Variants in IGLL5 observed in about 807,000 individuals in gnomAD.
IGLL5 encodes immunoglobulin lambda-like polypeptide 5.
IGLL5 carries 30 observed loss-of-function variants against 20.9 expected under a neutral mutation model. The ratio of observed to expected loss-of-function variants is 1.44; its 90% CI spans 1.07 to 1.95. IGLL5 has a LOEUF of 1.95. Ranked by LOEUF, IGLL5 falls within the 30% of genes most tolerant of loss-of-function variation. The pLI, the probability that IGLL5 is intolerant of heterozygous loss-of-function variation, is 0.00. For missense variants in IGLL5, 475 were observed against 270.7 expected, an observed-to-expected ratio of 1.75 and a Z score of -5.30; for synonymous variants, 203 against 117.3, an observed-to-expected ratio of 1.73 and a Z score of -4.72.
intron 1 of IGLL5, among the ~76,000 whole-genome samples, chr22:22,889,037 C>G (rs2067678498): frequency 3.3e-5 from 5 of 151,336 alleles, no homozygotes; most frequent in South Asian, 4.2e-4. Context: ...GGTCCGTGCA[C>G]CATTCCCAGT....
At chr22:22,889,283 C>A (rs2067703845) in intron 1 of IGLL5, among the ~76,000 whole-genome samples, 1 of 150,916 alleles carries the variant, frequency 6.6e-6, no homozygotes. Flanking sequence ...GAAATGGGAG[C>A]ATGAAGTTGA....
At chr22:22,888,928 G>A (rs1426626853) in intron 1 of IGLL5, among the ~76,000 whole-genome samples, 1 of 151,326 alleles carries the variant, frequency 6.6e-6, no homozygotes, top group Non-Finnish European at 1.5e-5. Flanking sequence ...GCTGGTGATG[G>A]GTGCCCCCAA....
intron 1 of IGLL5, among the ~76,000 whole-genome samples, chr22:22,890,207 G>A (rs2067784391): frequency 2.0e-5 from 3 of 148,278 alleles, no homozygotes; most frequent in South Asian, 2.2e-4. Flanking sequence ...TAAAGTAAAA[G>A]CAAGTGCTTC....
intron 1 of IGLL5, among the ~76,000 whole-genome samples, chr22:22,889,537 A>C (rs530133620): frequency 6.6e-6 from 1 of 151,308 alleles, no homozygotes; most frequent in African/African-American, 2.4e-5. Flanking sequence ...ACTGGAAAAA[A>C]TCCAAATATC....
chr22:22,895,765 T>G lies in IGLL5; in HGVS notation c.*71T>G, dbSNP rs896891944. ...CCCAGGGGAGGGGTCTCTCTCCCCATCCCAAGTCATCCAGCCCTTCTCCCT... is the reference window on the plus strand; with the variant it reads ...CCCAGGGGAGGGGTCTCTCTCCCCAGCCCAAGTCATCCAGCCCTTCTCCCT... On this transcript the variant is annotated 3_prime_UTR_variant, in exon 3 of 3. Coordinates refer to ENST00000526893, the MANE Select transcript of IGLL5 (RefSeq NM_001178126.2). 3.0e-6 allele frequency: 4 copies of G among 1,355,526 alleles called. No individual in the cohort carries two copies. The African/African-American group carries it at 5.7e-5, about 19-fold the overall frequency. 84.0% of individuals were successfully genotyped at this position (1,355,526 alleles called of 1,614,324 possible). A position where few individuals can be genotyped will look rare whatever the true frequency, so the allele number is the denominator to read the frequency against.
At chr22:22,892,842 T>G (rs1367720331) in intron 1 of IGLL5, among the ~76,000 whole-genome samples, 1 of 150,838 alleles carries the variant, frequency 6.6e-6, no homozygotes, top group Non-Finnish European at 1.5e-5. Context: ...GAGTCAGCAG[T>G]TGGGCATGGG....
chr22:22,894,181 G>A (rs181959291), intron 2 of IGLL5, among the ~76,000 whole-genome samples: 24 of 151,362 alleles, frequency 1.6e-4, no homozygotes, highest in East Asian at 6.1e-4. Flanking sequence ...GACAGAGGCT[G>A]CTGGGGTGGG....
At chr22:22,888,523 C>A (rs2067609959) in intron 1 of IGLL5, among the ~76,000 whole-genome samples, 1 of 151,338 alleles carries the variant, frequency 6.6e-6, no homozygotes, top group Admixed American at 6.6e-5. Flanking sequence ...GTCAGTGCCT[C>A]AATCACCTAG....
intron 2 of IGLL5, 40 bp downstream of exon 2, chr22:22,893,858 T>A (rs780444280): frequency 3.0e-6 from 4 of 1,336,282 alleles, no homozygotes; most frequent in East Asian, 2.3e-5. Context: ...TCTCACCCTC[T>A]GCTGTCCCTG....
chr22:22,889,445 G>A (rs2145995947), intron 1 of IGLL5, among the ~76,000 whole-genome samples: 2 of 151,302 alleles, frequency 1.3e-5, no homozygotes, highest in East Asian at 2.0e-4. Flanking sequence ...TATCCTAAGG[G>A]TTGGTTGGGG....
chr22:22,894,476 A>G (rs527669441), intron 2 of IGLL5, among the ~76,000 whole-genome samples: 2 of 151,432 alleles, frequency 1.3e-5, no homozygotes, highest in East Asian at 4.0e-4. Flanking sequence ...GAAAGGAGAC[A>G]GTCTCTTAGG....
rs1358260354 is a variant in IGLL5 at position 22,895,645 on chromosome 22, A to G, written c.596A>G (p.His199Arg). ...SHRSYSCQVT[H>R]EGSTVEKTVA... ...AGAAGCTACAGCTGCCAGGTCACGC[A>G]TGAAGGGAGCACCGTGGAGAAGACA... The change falls in exon 3 of 3, where the codon CAT becomes CGT. Residue 199 changes from histidine (H) to arginine (R), a missense_variant. Physicochemically the swap from His to Arg is conservative, Grantham distance 29. Transcript: ENST00000526893. 5 of 1,613,228 alleles carry G rather than the reference A, an allele frequency of 3.1e-6. No homozygotes were observed. The highest frequency in any genetic ancestry group is 3.3e-5 in the Admixed American group (2 of 59,894).
intron 2 of IGLL5, 31 bp from the exon 3 acceptor site, chr22:22,895,344 C>T (rs1327805839): frequency 1.3e-6 from 2 of 1,584,144 alleles, no homozygotes; most frequent in Non-Finnish European, 8.7e-7. Context: ...ATTCTGTCTG[C>T]CCTCTCTCAC....
At chr22:22,888,581 C>A in intron 1 of IGLL5, among the ~76,000 whole-genome samples, 1 of 151,278 alleles carries the variant, frequency 6.6e-6, no homozygotes, top group East Asian at 2.0e-4. Context: ...ACAGGACATC[C>A]ACAGGGGGTG....
intron 1 of IGLL5, among the ~76,000 whole-genome samples, chr22:22,889,498 T>G (rs566717986): frequency 2.0e-5 from 3 of 151,316 alleles, no homozygotes; most frequent in Non-Finnish European, 2.9e-5. Context: ...CAAGGGTGGT[T>G]AGCTCAGCAT....
intron 1 of IGLL5, among the ~76,000 whole-genome samples, chr22:22,889,444 G>A (rs536030297): frequency 6.6e-6 from 1 of 151,268 alleles, no homozygotes; most frequent in Non-Finnish European, 1.5e-5. Flanking sequence ...TTATCCTAAG[G>A]GTTGGTTGGG....
At chr22:22,895,131 T>C (rs188052083) in intron 2 of IGLL5, among the ~76,000 whole-genome samples, 1 of 151,068 alleles carries the variant, frequency 6.6e-6, no homozygotes, top group African/African-American at 2.4e-5. Flanking sequence ...ATTGAGGCTG[T>C]AGAGGAGAGG....
At chr22:22,889,463 C>T (rs1452447559) in intron 1 of IGLL5, among the ~76,000 whole-genome samples, 2 of 151,256 alleles carry the variant, frequency 1.3e-5, no homozygotes, top group East Asian at 2.0e-4. Flanking sequence ...GGGGAATAAT[C>T]AAAGCTGTAA....
chr22:22,888,560 C>G (rs5759505), intron 1 of IGLL5, among the ~76,000 whole-genome samples: 7 of 151,330 alleles, frequency 4.6e-5, no homozygotes, highest in East Asian at 4.1e-4. Context: ...AGGGAAGGAA[C>G]AGAGGCAGGG....
Sources: allele counts gnomAD v4.1 joint callset (sites outside exome capture counted in the v4.1 genomes callset), GRCh38; gene constraint gnomAD v4.1.1; transcripts MANE v1.5; gene names NCBI Gene and HGNC (gene_info 2026-07-23, HGNC 2026-07-21).